PDE11A: variants seen among roughly 807,000 people sequenced by gnomAD.
PDE11A encodes the protein phosphodiesterase 11A.
In PDE11A, 100 loss-of-function variants were observed where a neutral mutation model predicts 100.5. That is an observed-to-expected ratio of 1.00 (90% CI 0.85 to 1.18). The LOEUF is 1.18. Among genes scored for constraint, PDE11A ranks in the 50% most tolerant of loss-of-function variants. The pLI is 0.00. For synonymous variants in PDE11A, 381 were observed against 420.8 expected (o/e 0.91, Z 1.16); for missense variants, 1,141 against 1,152.6 (o/e 0.99, Z 0.15).
intron 10 of PDE11A, among the ~76,000 whole-genome samples, chr2:177,768,709 G>A (rs1449021060): frequency 2.0e-5 from 3 of 152,176 alleles, no homozygotes; most frequent in African/African-American, 4.8e-5. Context: ...GGAGTTGAAA[G>A]GGGATCACTC....
chr2:177,950,308 C>G (rs2085491335), intron 2 of PDE11A, among the ~76,000 whole-genome samples: 1 of 151,998 alleles, frequency 6.6e-6, no homozygotes, highest in Admixed American at 6.6e-5. Flanking sequence ...CTCTTTCTTA[C>G]CTCTTGTTTT....
At chr2:178,048,691 C>T (rs1368458120) in intron 1 of PDE11A, among the ~76,000 whole-genome samples, 1 of 152,150 alleles carries the variant, frequency 6.6e-6, no homozygotes, top group Non-Finnish European at 1.5e-5. Context: ...CTATGGGCAT[C>T]CAGCATTTTC....
rs1312305422 is a variant in PDE11A at position 177,883,795 on chromosome 2, T to C, written c.1303-7872A>G. 2.0e-5 allele frequency among the ~76,000 whole-genome samples: 3 copies of C among 152,208 alleles called. No individual in the cohort carries two copies. In the East Asian group the frequency reaches 5.8e-4, roughly 29 times the overall value. On this transcript the variant is annotated intron_variant, in intron 4 of 19. Transcript: ENST00000286063. ...AGCAACTTTGGAAAGCAGTTAATAC[T>C]CCTAGGTCTGAGGTTACACAAGAGG... is the stretch of plus-strand genomic sequence containing the variant.
intron 17 of PDE11A, among the ~76,000 whole-genome samples, chr2:177,674,296 CA>C (rs1210318943): frequency 6.6e-6 from 1 of 152,090 alleles, no homozygotes; most frequent in Non-Finnish European, 1.5e-5. Context: ...AGTTAGTGGC[CA>C]AAACGACAGG....
intron 2 of PDE11A, among the ~76,000 whole-genome samples, chr2:177,927,630 G>T (rs1259800589): frequency 6.6e-6 from 1 of 152,068 alleles, no homozygotes; most frequent in African/African-American, 2.4e-5. Flanking sequence ...TCAAATCATT[G>T]GTAAAATGGG....
At chr2:178,063,175 C>A (rs1203582849) in intron 1 of PDE11A, among the ~76,000 whole-genome samples, 3 of 152,092 alleles carry the variant, frequency 2.0e-5, no homozygotes, top group Non-Finnish European at 4.4e-5. Context: ...GCATGTTGAT[C>A]AATTGTAACA....
intron 2 of PDE11A, among the ~76,000 whole-genome samples, chr2:177,939,258 C>T (rs892816658): frequency 6.6e-6 from 1 of 151,864 alleles, no homozygotes; most frequent in African/African-American, 2.4e-5. Context: ...TATATATCTC[C>T]TGGCAGAGGC....
chr2:177,763,147 T>A (rs1182878039), intron 10 of PDE11A, among the ~76,000 whole-genome samples: 1 of 152,120 alleles, frequency 6.6e-6, no homozygotes, highest in Non-Finnish European at 1.5e-5. Context: ...CTGCTGCTTG[T>A]GAGCAGGAGA....
intron 2 of PDE11A, among the ~76,000 whole-genome samples, chr2:177,958,044 C>T (rs902270392): frequency 6.6e-6 from 1 of 151,830 alleles, no homozygotes; most frequent in Non-Finnish European, 1.5e-5. Flanking sequence ...GTGCGCGCAA[C>T]CATGCCCTGC....
At chr2:178,013,102 G>A (rs868460780) in intron 2 of PDE11A, among the ~76,000 whole-genome samples, 7 of 152,078 alleles carry the variant, frequency 4.6e-5, no homozygotes, top group South Asian at 2.1e-4. Flanking sequence ...ATCAAATACC[G>A]CCTCTTCCAG....
chr2:177,754,708 G>A (rs2082068070), intron 10 of PDE11A, among the ~76,000 whole-genome samples: 1 of 152,220 alleles, frequency 6.6e-6, no homozygotes, highest in African/African-American at 2.4e-5. Flanking sequence ...ATCCTGGTGG[G>A]AGGATAAGCA....
chr2:177,835,998 G>A (rs943655915), intron 6 of PDE11A, among the ~76,000 whole-genome samples: 3 of 152,170 alleles, frequency 2.0e-5, no homozygotes, highest in Non-Finnish European at 4.4e-5. Context: ...CCCGACGAGC[G>A]CTGCCCCCTG....
At chr2:177,741,629 C>T (rs569594038) in intron 10 of PDE11A, among the ~76,000 whole-genome samples, 1 of 152,268 alleles carries the variant, frequency 6.6e-6, no homozygotes, top group East Asian at 1.9e-4. Flanking sequence ...CCTTAGAGAA[C>T]GCAACCTAGA....
At chr2:177,717,585 T>C (rs2081460522) in intron 12 of PDE11A, among the ~76,000 whole-genome samples, 1 of 152,152 alleles carries the variant, frequency 6.6e-6, no homozygotes, top group Admixed American at 6.5e-5. Context: ...ACAGTTCGTA[T>C]CAGAAATAAT....
rs193081513 is a variant in PDE11A, at chr2:178,106,802, A to G, written c.-14+1452T>C. ...TGGTGAAACCTTGTCTCTACTAAAA[A>G]TACAAAAATTAGCCGGGTGTGGTGG... On this transcript the variant is annotated intron_variant, in intron 1 of 20. Transcript: ENST00000358450. 8.5e-5 allele frequency among the ~76,000 whole-genome samples: 13 copies of G among 152,048 alleles called. No individual in the cohort carries two copies. In the East Asian group the frequency reaches 2.3e-3, roughly 27 times the overall value.
upstream of PDE11A, among the ~76,000 whole-genome samples, chr2:178,076,149 A>G (rs1357464943): frequency 6.6e-6 from 1 of 152,178 alleles, no homozygotes; most frequent in Non-Finnish European, 1.5e-5. Context: ...GTGAAGATAG[A>G]TCACTCAGAG....
chr2:177,954,581 A>G (rs2085539058), intron 2 of PDE11A, among the ~76,000 whole-genome samples: 1 of 152,202 alleles, frequency 6.6e-6, no homozygotes, highest in Admixed American at 6.5e-5. Context: ...ATATATAATG[A>G]TATTTCAATA....
intron 15 of PDE11A, among the ~76,000 whole-genome samples, chr2:177,694,425 A>C (rs747457870): frequency 1.3e-5 from 2 of 152,190 alleles, no homozygotes; most frequent in Non-Finnish European, 2.9e-5. Context: ...AGGAGCATTA[A>C]TCCAGAAAAT....
chr2:178,060,385 T>C (rs190990910), intron 1 of PDE11A, among the ~76,000 whole-genome samples: 8 of 152,332 alleles, frequency 5.3e-5, no homozygotes, highest in Non-Finnish European at 4.4e-5. Context: ...ACTCAGAGAT[T>C]ACCTCTATCA....
Sources: gnomAD v4.1 joint callset for allele counts (sites outside exome capture counted in the v4.1 genomes callset) on GRCh38, gnomAD v4.1.1 for gene constraint, MANE v1.5 for transcripts, NCBI Gene and HGNC (gene_info 2026-07-23, HGNC 2026-07-21) for gene names.